RASSF2: variants seen among roughly 807,000 people sequenced by gnomAD.
RASSF2 encodes ras association domain-containing protein 2.
Under a neutral mutation model 46.3 loss-of-function variants are expected in RASSF2, and 34 were observed. The ratio of observed to expected loss-of-function variants is 0.73; its 90% CI spans 0.56 to 0.98. The LOEUF (loss-of-function observed/expected upper bound fraction) is 0.98. RASSF2 is among the 50% of genes least tolerant of loss of function. The pLI, the probability that RASSF2 is intolerant of heterozygous loss-of-function variation, is 0.00. For missense variants in RASSF2, 364 were observed against 431.2 expected (o/e 0.84, Z 1.38); for synonymous variants, 158 against 162.5 (o/e 0.97, Z 0.21).
chr20:4,817,150 C>T (rs1245530248), intron 2 of RASSF2, among the ~76,000 whole-genome samples: 1 of 152,120 alleles, frequency 6.6e-6, no homozygotes, highest in Non-Finnish European at 1.5e-5. Context: ...TAGCTACACA[C>T]CTGCAGCCTA....
chr20:4,784,592 C>CAAAAAAAAA (rs71197728), intron 11 of RASSF2, among the ~76,000 whole-genome samples: 1 of 89,864 alleles, frequency 1.1e-5, no homozygotes, highest in Non-Finnish European at 2.2e-5. Context: ...AACATCTAGC[C>CAAAAAAAAA]AAAAAAAAAA....
Position 4,795,879 on chromosome 20 carries a change from C to T in RASSF2, c.223G>A (p.Glu75Lys), listed in dbSNP as rs1294947532. Residue 75 changes from glutamate to lysine, a missense_variant, in exon 5 of 12, where the codon GAA becomes AAA. By Grantham distance (56) the Glu-to-Lys change is moderately conservative (BLOSUM62 1). Coordinates refer to ENST00000379400, the MANE Select transcript of RASSF2 (RefSeq NM_014737.3). The surrounding 1 kb of genome is among the most constrained non-coding windows in gnomAD (Gnocchi z 4.0). ...PIRLQMQDDN[E>K]RIRPPPSSSS... ...GAGGATGGAGGGGGTCGAATGCGTT[C>T]GTTGTCATCCTGCATCTGCAGGCGA... 14 of 1,609,710 alleles carry T rather than the reference C, an allele frequency of 8.7e-6. No individual in the cohort carries two copies. The highest frequency in any genetic ancestry group is 3.3e-5 in the Admixed American group (2 of 59,728).
In RASSF2 at chr20:4,790,618, G is replaced by T; in HGVS notation, c.377-7C>A. Reference sequence around the variant, plus strand: ...GGCTTCAGGCCCCTGGAGTCTGAGAGAGGAGAGGGAAATGAACTCTGTCTG... The same window carrying T: ...GGCTTCAGGCCCCTGGAGTCTGAGATAGGAGAGGGAAATGAACTCTGTCTG... On this transcript the variant is annotated splice_region_variant and splice_polypyrimidine_tract_variant and intron_variant, in intron 6 of 11. Transcript: ENST00000379400. This position sits in a 1 kb window ranked among gnomAD's most constrained non-coding sequence, Gnocchi z 4.3. 1 of 1,515,664 alleles carries T rather than the reference G, an allele frequency of 6.6e-7. No homozygotes were observed. The highest frequency in any genetic ancestry group is 1.3e-5 in the South Asian group (1 of 74,524). 93.9% of individuals were successfully genotyped at this position (1,515,664 alleles called of 1,614,324 possible). A position where few individuals can be genotyped will look rare whatever the true frequency, so the allele number is the denominator to read the frequency against.
chr20:4,806,389 C>T (rs2423020), intron 2 of RASSF2, among the ~76,000 whole-genome samples: 70,830 of 152,084 alleles, frequency 0.47, 17,422 homozygotes, highest in African/African-American at 0.61. Flanking sequence ...GGAGTCTTTC[C>T]TCAGCCAGGG....
chr20:4,798,300 C>T (rs1487975643), intron 3 of RASSF2, among the ~76,000 whole-genome samples: 1 of 152,126 alleles, frequency 6.6e-6, no homozygotes, highest in African/African-American at 2.4e-5. Flanking sequence ...GAGTGAGCAC[C>T]ACCCCAGAAC....
Position 4,784,193 on chromosome 20 carries a change from G to A in RASSF2, c.*80C>T. On this transcript the variant is annotated 3_prime_UTR_variant, in exon 12 of 12. Transcript: ENST00000379400. ...AGGTTTGTGTCTAAATGTTTCCATG[G>A]AAAGAAAGTGCCTAGCTTCCTGGGG... 7.1e-7 allele frequency: 1 copy of A among 1,414,974 alleles called. No homozygotes were observed. The highest frequency in any genetic ancestry group is 1.2e-5 in the South Asian group (1 of 86,848). 87.7% of individuals were successfully genotyped at this position (1,414,974 alleles called of 1,614,324 possible). A position where few individuals can be genotyped will look rare whatever the true frequency, so the allele number is the denominator to read the frequency against.
rs1299572546 is a variant in RASSF2, at chr20:4,786,237, A to T, written c.905T>A (p.Met302Lys). The change falls in exon 11 of 12, where the codon ATG becomes AAG. Residue 302 changes from methionine to lysine, a missense_variant. By Grantham distance (95) the Met-to-Lys change is moderately conservative. Transcript: ENST00000379400. Reference sequence around the variant, plus strand: ...CCCCAGAAGCCACACTTACTTGCGCATCAGCTTCTTTACTTCCCGATCTTC... The same window carrying T: ...CCCCAGAAGCCACACTTACTTGCGCTTCAGCTTCTTTACTTCCCGATCTTC... ...EEEDREVKKL[M>K]RKYTVLRLMI... 2.5e-6 allele frequency: 4 copies of T among 1,609,100 alleles called. No homozygotes were observed. The highest frequency in any genetic ancestry group is 3.4e-6 in the Non-Finnish European group (4 of 1,175,410).
chr20:4,800,945 ACAAAACACTCCAG>A lies in RASSF2; in HGVS notation c.59+14_59+26del. On this transcript the variant is annotated intron_variant, in intron 3 of 11. Coordinates refer to ENST00000379400, the MANE Select transcript of RASSF2 (RefSeq NM_014737.3). The stretch of plus-strand genomic sequence containing the variant: ...CCCAGCACGGGACTGGTCACTGAGG[ACAAAACACTCCAG>A]CAAAACGTCTTACTTGGAAATGTAT... The A allele has an allele frequency of 6.3e-7, 1 of 1,588,502 alleles. No homozygotes were observed. Among genetic ancestry groups the A allele is most frequent in the Non-Finnish European group, 8.6e-7 (1 of 1,156,680 alleles).
At chr20:4,813,733 G>A (rs1346822845) in intron 2 of RASSF2, among the ~76,000 whole-genome samples, 3 of 152,208 alleles carry the variant, frequency 2.0e-5, no homozygotes, top group Admixed American at 1.3e-4. Context: ...CTGTGTGTGC[G>A]TGGGTGTGAG....
intron 5 of RASSF2, among the ~76,000 whole-genome samples, chr20:4,793,939 G>A (rs1014814272): frequency 7.2e-5 from 11 of 152,160 alleles, no homozygotes; most frequent in South Asian, 2.1e-4. Flanking sequence ...CAGGCGGACC[G>A]AAGGACCCTT....
chr20:4,817,287 C>T (rs146140429), intron 2 of RASSF2, among the ~76,000 whole-genome samples: 2 of 152,210 alleles, frequency 1.3e-5, no homozygotes, highest in African/African-American at 4.8e-5. Context: ...AGGGACATCC[C>T]CATACACATA....
At position 4,796,017 on chromosome 20, in the gene RASSF2, C is replaced by G. The variant is rs565426825; in HGVS notation, c.136-51G>C. The G allele has an allele frequency of 8.4e-5, 122 of 1,450,134 alleles. No individual in the cohort carries two copies. The South Asian group carries it at 1.5e-3, about 18-fold the overall frequency. The allele number at this position is 1,450,134 out of a possible 1,614,324, so 89.8% of individuals were successfully genotyped here. Reference sequence around the variant, plus strand: ...GAGCCTAGAAAAGCCCCCACAGAAGCCAAGACCATGCTGAGGGACAAATGA... The same window carrying G: ...GAGCCTAGAAAAGCCCCCACAGAAGGCAAGACCATGCTGAGGGACAAATGA... On this transcript the variant is annotated intron_variant, in intron 4 of 11. Transcript: ENST00000379400.
chr20:4,818,442 G>A (rs1928466459), intron 2 of RASSF2, among the ~76,000 whole-genome samples: 1 of 152,052 alleles, frequency 6.6e-6, no homozygotes, highest in Non-Finnish European at 1.5e-5. Context: ...AAATCACTGG[G>A]GTCACATGCT....
chr20:4,787,705 G>T lies in RASSF2; in HGVS notation c.741C>A (p.Leu247=). 1.2e-6 allele frequency: 2 copies of T among 1,614,106 alleles called. No homozygotes were observed. The highest frequency in any genetic ancestry group is 1.6e-4 in the Middle Eastern group (1 of 6,062). Residue 247 remains leucine (L), a synonymous_variant, in exon 10 of 12, where the codon CTC becomes CTA. Transcript: ENST00000379400. ...TGGAGATCTGCTCACATGGGCCCTGGAGGATTCGGGCAATCAGCGGGTAAT... is the reference window on the plus strand; with the variant it reads ...TGGAGATCTGCTCACATGGGCCCTGTAGGATTCGGGCAATCAGCGGGTAAT... ...ATDYPLIARI[L]QGPCEQISKV... is the part of the protein sequence containing the mutation.
chr20:4,789,516 T>A (rs1601087867), intron 8 of RASSF2, 80 bp downstream of exon 8: 3 of 1,198,072 alleles, frequency 2.5e-6, no homozygotes, highest in East Asian at 4.7e-5. Context: ...ACAATTTCCA[T>A]AGCTCCTCGC....
At chr20:4,785,856 G>A (rs1925284453) in intron 11 of RASSF2, among the ~76,000 whole-genome samples, 1 of 152,170 alleles carries the variant, frequency 6.6e-6, no homozygotes, top group Non-Finnish European at 1.5e-5. Context: ...TCATCGGAGT[G>A]AGCATCTGTC....
rs1169972264 is a variant in RASSF2, at chr20:4,790,022, G to A, written c.538-325C>T. Among the ~76,000 whole-genome samples the A allele has an allele frequency of 6.6e-6, 1 of 152,178 alleles. No homozygotes were observed. Among genetic ancestry groups the A allele is most frequent in the Non-Finnish European group, 1.5e-5 (1 of 68,028 alleles). On this transcript the variant is annotated intron_variant, in intron 7 of 11. Transcript: ENST00000379400. The surrounding 1 kb of genome is among the most constrained non-coding windows in gnomAD (Gnocchi z 4.3). Reference sequence around the variant, plus strand: ...AGGGATCAGCAAGATGGGGTGGGGTGGGTGGTGCACTGACACCCCAGGTCT... The same window carrying A: ...AGGGATCAGCAAGATGGGGTGGGGTAGGTGGTGCACTGACACCCCAGGTCT...
At chr20:4,796,404 G>C (rs984776701) in intron 4 of RASSF2, among the ~76,000 whole-genome samples, 13 of 152,192 alleles carry the variant, frequency 8.5e-5, no homozygotes, top group African/African-American at 3.1e-4. Flanking sequence ...CCAACCTGGT[G>C]GTTGAAGGAA....
At chr20:4,785,019 G>A (rs143611704) in intron 11 of RASSF2, among the ~76,000 whole-genome samples, 2 of 152,098 alleles carry the variant, frequency 1.3e-5, no homozygotes, top group African/African-American at 4.8e-5. Flanking sequence ...TAAAGTTTAG[G>A]ACATAGTTGG....
Sources: gnomAD v4.1 joint callset for allele counts (sites outside exome capture counted in the v4.1 genomes callset) on GRCh38, gnomAD v4.1.1 for gene constraint, Gnocchi (gnomAD v3.1) non-coding constraint, MANE v1.5 for transcripts, NCBI Gene and HGNC (gene_info 2026-07-23, HGNC 2026-07-21) for gene names.